EP300: variants seen among roughly 807,000 people sequenced by gnomAD.
EP300 encodes histone acetyltransferase p300.
Under a neutral mutation model 264.0 loss-of-function variants are expected in EP300, and 31 were observed. The ratio of observed to expected loss-of-function variants is 0.12; its 90% CI spans 0.09 to 0.16. EP300 has a LOEUF of 0.16. Ranked by LOEUF, EP300 falls within the 10% of genes least tolerant of loss-of-function variation. EP300 has a pLI of 1.00. For synonymous variants in EP300, 1,340 were observed against 1,045.4 expected (o/e 1.28, Z -5.44); for missense variants, 2,766 against 3,052.9 (o/e 0.91, Z 2.21).
chr22:41,097,711 T>C (rs1240393286), intron 1 of EP300, among the ~76,000 whole-genome samples: 1 of 152,218 alleles, frequency 6.6e-6, no homozygotes, highest in East Asian at 1.9e-4. Context: ...TGAAGATTTC[T>C]AAAGTTGAAT....
chr22:41,158,406 T>C lies in EP300; in HGVS notation c.3502-6T>C. 6.2e-7 allele frequency: 1 copy of C among 1,613,900 alleles called. No homozygotes were observed. On this transcript the variant is annotated splice_polypyrimidine_tract_variant and splice_region_variant and intron_variant, in intron 18 of 30. Transcript: ENST00000263253. ...TGTGCTTTTTAACAAATGGTTTCTT[T>C]TGCAGTTGGAGTTCTCTCCACAGAC...
At chr22:41,143,401 G>A (rs901755028) in intron 10 of EP300, among the ~76,000 whole-genome samples, 2 of 152,218 alleles carry the variant, frequency 1.3e-5, no homozygotes, top group African/African-American at 4.8e-5. Context: ...GCAGTGAGCT[G>A]TGATTGTGCC....
chr22:41,167,814 G>GGTTTTTTTTTTTTTTTTTTTTTTTTTTTT (rs71328778), intron 23 of EP300, among the ~76,000 whole-genome samples: 1 of 66,208 alleles, frequency 1.5e-5, no homozygotes, highest in Non-Finnish European at 2.6e-5. Context: ...GTTTGTTTTT[G>GGTTTTTTTTTTTTTTTTTTTTTTTTTTTT]TTTTTTTTTT....
Position 41,168,886 on chromosome 22 carries a change from G to T in EP300, c.4172+19G>T, listed in dbSNP as rs756980300. ...ACCAGAGGTATGACTAGCTCACAGT[G>T]GCTAGCTCCGGATTTGTGTGGGAGT... On this transcript the variant is annotated intron_variant, in intron 25 of 30. Coordinates refer to ENST00000263253, the MANE Select transcript of EP300 (RefSeq NM_001429.4). 1 of 1,614,058 alleles carries T rather than the reference G, an allele frequency of 6.2e-7. No individual in the cohort carries two copies. Among genetic ancestry groups the T allele is most frequent in the Non-Finnish European group, 8.5e-7 (1 of 1,179,946 alleles).
intron 1 of EP300, among the ~76,000 whole-genome samples, chr22:41,102,123 C>T (rs1046058893): frequency 7.4e-5 from 11 of 148,426 alleles, no homozygotes; most frequent in South Asian, 2.1e-4. Context: ...AGAATACTGG[C>T]GTAGAAGAGT....
chr22:41,104,063 G>T (rs1219393737), intron 1 of EP300, among the ~76,000 whole-genome samples: 1 of 152,040 alleles, frequency 6.6e-6, no homozygotes, highest in Non-Finnish European at 1.5e-5. Context: ...GATATGCAAG[G>T]TTTTTTTGTT....
chr22:41,149,843 A>G lies in EP300; in HGVS notation c.2462A>G (p.Gln821Arg). 1.9e-6 allele frequency: 3 copies of G among 1,613,954 alleles called. No individual in the cohort carries two copies. The highest frequency in any genetic ancestry group is 2.5e-6 in the Non-Finnish European group (3 of 1,179,976). The change falls in exon 14 of 31, where the codon CAG becomes CGG. Residue 821 changes from glutamine to arginine, a missense_variant. Physicochemically the swap from Gln to Arg is conservative, Grantham distance 43. Transcript: ENST00000263253. ...GSQGSHIHCP[Q>R]LPQPALHQNS... ...CAGGGGAGCCACATTCACTGTCCCC[A>G]GCTTCCTCAACCAGCTCTTCATCAG...
At chr22:41,102,641 CAG>C (rs2058737868) in intron 1 of EP300, among the ~76,000 whole-genome samples, 1 of 152,010 alleles carries the variant, frequency 6.6e-6, no homozygotes, top group Non-Finnish European at 1.5e-5. Flanking sequence ...TTGGGAAGAA[CAG>C]GGAAAAACAG....
intron 1 of EP300, among the ~76,000 whole-genome samples, chr22:41,103,358 C>T (rs995973147): frequency 6.6e-6 from 1 of 152,114 alleles, no homozygotes; most frequent in African/African-American, 2.4e-5. Flanking sequence ...TAGGTATTTG[C>T]AATGTAAAGA....
chr22:41,092,910 G>C lies in EP300; in HGVS notation c.-95G>C. The C allele has an allele frequency of 2.1e-6, 3 of 1,416,076 alleles. No homozygotes were observed. Among genetic ancestry groups the C allele is most frequent in the South Asian group, 2.3e-5 (2 of 87,058 alleles). The allele number at this position is 1,416,076 out of a possible 1,614,324, so 87.7% of individuals were successfully genotyped here. A position where few individuals can be genotyped will look rare whatever the true frequency, so the allele number is the denominator to read the frequency against. On this transcript the variant is annotated 5_prime_UTR_variant, in exon 1 of 31. Transcript: ENST00000263253. ...CCTCGGGTGCCGTCGGAGCCCCCCA[G>C]CCCACCCCTGGGTGCGGCGCGGGGA...
chr22:41,141,247 G>T (rs1255298023), intron 10 of EP300, 25 bp downstream of exon 10: 5 of 1,603,714 alleles, frequency 3.1e-6, no homozygotes, highest in Non-Finnish European at 3.4e-6. Flanking sequence ...TTATATTTCT[G>T]TTTGAGAGAA....
In EP300 at chr22:41,093,082, C is replaced by T. The variant is rs747042929; in HGVS notation, c.78C>T (p.Ser26=). ...PKLSSPALSA[S]ASDGTDFGSL... is the part of the protein sequence containing the mutation. ...TCTCATCTCCGGCCCTCTCGGCGTCCGCCAGCGATGGCACAGGTTAGTTTC... is the reference window on the plus strand; with the variant it reads ...TCTCATCTCCGGCCCTCTCGGCGTCTGCCAGCGATGGCACAGGTTAGTTTC... Residue 26 remains serine (S), a synonymous_variant, in exon 1 of 31, where the codon TCC becomes TCT. Transcript: ENST00000263253. 6.2e-7 allele frequency: 1 copy of T among 1,614,126 alleles called. No individual in the cohort carries two copies. The highest frequency in any genetic ancestry group is 1.7e-5 in the Admixed American group (1 of 60,028).
In EP300 at chr22:41,092,826, T is replaced by C. The variant is rs2058680310; in HGVS notation, c.-179T>C. The C allele has an allele frequency of 8.3e-6, 6 of 720,314 alleles. No homozygotes were observed. The highest frequency in any genetic ancestry group is 3.9e-4 in the Middle Eastern group (1 of 2,592). The allele number at this position is 720,314 out of a possible 1,614,324, so 44.6% of individuals were successfully genotyped here. A position where few individuals can be genotyped will look rare whatever the true frequency, so the allele number is the denominator to read the frequency against. Reference sequence around the variant, plus strand: ...ACTTGCCCTTACCTTTTCTATCGAGTCCGCATCCCTCTCCAGCCACTGCGA... The same window carrying C: ...ACTTGCCCTTACCTTTTCTATCGAGCCCGCATCCCTCTCCAGCCACTGCGA... On this transcript the variant is annotated 5_prime_UTR_variant, in exon 1 of 31. Coordinates refer to ENST00000263253, the MANE Select transcript of EP300 (RefSeq NM_001429.4).
At chr22:41,172,122 A>G (rs149009968) in intron 27 of EP300, among the ~76,000 whole-genome samples, 1 of 152,146 alleles carries the variant, frequency 6.6e-6, no homozygotes, top group African/African-American at 2.4e-5. Context: ...CTGAAATTCC[A>G]AGGATGGGTG....
intron 14 of EP300, 56 bp downstream of exon 14, chr22:41,150,254 T>G: frequency 6.6e-7 from 1 of 1,518,230 alleles, no homozygotes; most frequent in Non-Finnish European, 8.9e-7. Flanking sequence ...TAGTATTATA[T>G]TACTTCTGGG....
At chr22:41,122,685 A>G (rs543646675) in intron 2 of EP300, among the ~76,000 whole-genome samples, 2 of 151,608 alleles carry the variant, frequency 1.3e-5, no homozygotes, top group South Asian at 4.2e-4. Flanking sequence ...GTTTTTTTTA[A>G]TAGAGGCAAA....
Position 41,157,241 on chromosome 22 carries a change from C to A in EP300, c.3334C>A (p.Gln1112Lys), listed in dbSNP as rs1273250543. The change falls in exon 18 of 31, where the codon CAG becomes AAG. Residue 1112 changes from glutamine (Q) to lysine (K), a missense_variant. Gln to Lys is a moderately conservative substitution (Grantham distance 53). Coordinates refer to ENST00000263253, the MANE Select transcript of EP300 (RefSeq NM_001429.4). Reference sequence around the variant, plus strand: ...GAGGAAGTTAGACACTGGACAGTATCAGGAGCCCTGGCAGTATGTCGATGA... The same window carrying A: ...GAGGAAGTTAGACACTGGACAGTATAAGGAGCCCTGGCAGTATGTCGATGA... Reference protein sequence around the residue: ...IKRKLDTGQYQEPWQYVDDIW... With the variant: ...IKRKLDTGQYKEPWQYVDDIW... 6.2e-7 allele frequency: 1 copy of A among 1,614,046 alleles called. No individual in the cohort carries two copies. Among genetic ancestry groups the A allele is most frequent in the Non-Finnish European group, 8.5e-7 (1 of 1,180,028 alleles).
At chr22:41,166,539 G>A in intron 22 of EP300, 60 bp from the exon 23 acceptor site, 2 of 1,351,992 alleles carry the variant, frequency 1.5e-6, no homozygotes, top group South Asian at 2.4e-5. Flanking sequence ...TTAACTTTTT[G>A]TTAGTATAAA....
At chr22:41,123,938 A>C (rs571930476) in intron 2 of EP300, among the ~76,000 whole-genome samples, 6 of 152,356 alleles carry the variant, frequency 3.9e-5, no homozygotes, top group African/African-American at 1.2e-4. Context: ...TAAATATAGA[A>C]CATAAACTAC....
Sources: allele counts gnomAD v4.1 joint callset (sites outside exome capture counted in the v4.1 genomes callset), GRCh38; gene constraint gnomAD v4.1.1; transcripts MANE v1.5; gene names NCBI Gene and HGNC (gene_info 2026-07-23, HGNC 2026-07-21).